Variants in ARSF observed in about 807,000 individuals in gnomAD.
ARSF encodes the protein arylsulfatase F.
Under a neutral mutation model 35.4 loss-of-function variants are expected in ARSF, and 33 were observed. That is an observed-to-expected ratio of 0.93 (90% CI 0.71 to 1.25). The LOEUF is 1.25. ARSF is among the 50% of genes most tolerant of loss of function. ARSF has a pLI of 0.00. For missense variants in ARSF, 501 were observed against 480.2 expected (o/e 1.04, Z -0.40); for synonymous variants, 222 against 193.1 (o/e 1.15, Z -1.24).
intron 7 of ARSF, among the ~76,000 whole-genome samples, chrX:3,090,614 C>T (rs1035129306): frequency 8.9e-6 from 1 of 112,349 alleles, no homozygotes; most frequent in African/African-American, 3.2e-5. Context: ...CTGTAGTGAG[C>T]CATGATTGCA....
rs59646240 is a variant in ARSF, at chrX:3,059,649, C to G, written c.-28-8424C>G. Among the ~76,000 whole-genome samples the G allele has an allele frequency of 2.1e-3, 232 of 112,615 alleles. 1 individual carries two copies. In the East Asian group the frequency reaches 0.034, roughly 17 times the overall value. On this transcript the variant is annotated intron_variant, in intron 1 of 10. Coordinates refer to ENST00000381127, the MANE Select transcript of ARSF (RefSeq NM_001201539.2). ...AGGAGATTATATCCTGCACCTGGCT[C>G]GGCAGTTCCCACTCCCACAGAGCCT...
chrX:3,112,177 G>A lies in ARSF; in HGVS notation c.1394G>A (p.Gly465Glu). 8.3e-7 allele frequency: 1 copy of A among 1,201,407 alleles called. No homozygotes were observed. The highest frequency in any genetic ancestry group is 1.1e-6 in the Non-Finnish European group (1 of 890,381). The change falls in exon 11 of 11, where the codon GGG (glycine) becomes GAG (glutamate). Residue 465 changes from glycine (G) to glutamate (E), a missense_variant. By Grantham distance (98) the Gly-to-Glu change is moderately conservative. Transcript: ENST00000381127. Reference protein sequence around the residue: ...AVRWIPKDDSGSVWKAHYVTP... With the variant: ...AVRWIPKDDSESVWKAHYVTP... ...GAGTCTCTCTTTTCTCCTCCAGGTGGGTCAGTTTGGAAGGCTCACTATGTG... is the reference window on the plus strand; with the variant it reads ...GAGTCTCTCTTTTCTCCTCCAGGTGAGTCAGTTTGGAAGGCTCACTATGTG...
Position 3,111,414 on chromosome X carries a change from A to G in ARSF, c.1391-760A>G, listed in dbSNP as rs759039733. ...TATCTAGTGATATTTTGAGATAGGC[A>G]ATGCATAGTGATCAGATTAGAATAA... On this transcript the variant is annotated intron_variant, in intron 10 of 10. Transcript: ENST00000381127. 2.7e-5 allele frequency among the ~76,000 whole-genome samples: 3 copies of G among 111,851 alleles called. No homozygotes were observed. The East Asian group carries it at 8.4e-4, about 31-fold the overall frequency.
chrX:3,102,861 G>A (rs923508379), intron 8 of ARSF, among the ~76,000 whole-genome samples: 2 of 109,573 alleles, frequency 1.8e-5, no homozygotes, highest in African/African-American at 3.3e-5. Context: ...GCAGTGAGCC[G>A]CGATAGCACC....
intron 1 of ARSF, among the ~76,000 whole-genome samples, chrX:3,051,297 A>G (rs2089996274): frequency 8.9e-6 from 1 of 111,933 alleles, no homozygotes; most frequent in South Asian, 3.7e-4. Context: ...CTGTAACTCA[A>G]CAACCCTGAG....
chrX:3,049,082 G>A (rs1282217255), intron 1 of ARSF, among the ~76,000 whole-genome samples: 1 of 112,479 alleles, frequency 8.9e-6, no homozygotes, highest in East Asian at 2.8e-4. Flanking sequence ...AAATATGAGT[G>A]ACCATGGCCG....
At chrX:3,046,743 T>C (rs1484348289) in intron 1 of ARSF, among the ~76,000 whole-genome samples, 1 of 111,362 alleles carries the variant, frequency 9.0e-6, no homozygotes, top group Non-Finnish European at 1.9e-5. Context: ...CAAAGCTTCC[T>C]ACACAAGGAA....
chrX:3,102,049 A>C (rs2090379804), intron 8 of ARSF, among the ~76,000 whole-genome samples: 1 of 111,054 alleles, frequency 9.0e-6, no homozygotes, highest in African/African-American at 3.3e-5. Context: ...ATGAATGTGT[A>C]CTCTTTAGAG....
chrX:3,072,200 T>C (rs779641682), intron 3 of ARSF, 25 bp downstream of exon 3: 1 of 1,198,538 alleles, frequency 8.3e-7, no homozygotes, highest in East Asian at 3.0e-5. Flanking sequence ...TGGCCAGTCA[T>C]ACGTTCGTCA....
intron 6 of ARSF, among the ~76,000 whole-genome samples, chrX:3,088,564 CTTTT>C (rs34488601): frequency 1.0e-5 from 1 of 96,909 alleles, no homozygotes; most frequent in Admixed American, 1.1e-4. Context: ...TCAAATCCAT[CTTTT>C]TTTTTTTTTT....
Position 3,081,145 on chromosome X carries a change from T to A in ARSF, c.406+132T>A, listed in dbSNP as rs193060517. 6.6e-6 allele frequency: 6 copies of A among 907,155 alleles called. No homozygotes were observed. The African/African-American group carries it at 1.2e-4, about 18-fold the overall frequency. The allele number at this position is 907,155 out of a possible 1,213,427, so 74.8% of individuals were successfully genotyped here. A position where few individuals can be genotyped will look rare whatever the true frequency, so the allele number is the denominator to read the frequency against. ...ATGTAAAGGCGCAGTGGCCCATGCC[T>A]ACAATCCCAGTACTTTGGGAGGCCA... is the stretch of plus-strand genomic sequence containing the variant. On this transcript the variant is annotated intron_variant, in intron 5 of 10. Coordinates refer to ENST00000381127, the MANE Select transcript of ARSF (RefSeq NM_001201539.2).
intron 6 of ARSF, among the ~76,000 whole-genome samples, chrX:3,085,789 T>C (rs769279074): frequency 9.0e-6 from 1 of 111,362 alleles, no homozygotes; most frequent in Non-Finnish European, 1.9e-5. Flanking sequence ...GTGAAGGTGA[T>C]AAATATGTAG....
intron 7 of ARSF, among the ~76,000 whole-genome samples, chrX:3,091,014 G>A (rs999976059): frequency 4.0e-5 from 4 of 99,228 alleles, no homozygotes; most frequent in Non-Finnish European, 8.0e-5. Flanking sequence ...GAGCTAATGC[G>A]ATTCTCCTGC....
chrX:3,091,386 A>C (rs1200518416), intron 7 of ARSF, among the ~76,000 whole-genome samples: 1 of 112,586 alleles, frequency 8.9e-6, no homozygotes, highest in Non-Finnish European at 1.9e-5. Flanking sequence ...AACAATGTAA[A>C]TGGGACGTCC....
intron 5 of ARSF, among the ~76,000 whole-genome samples, chrX:3,081,331 C>T (rs1001575729): frequency 9.0e-6 from 1 of 111,271 alleles, no homozygotes; most frequent in African/African-American, 3.3e-5. Context: ...GGCAGGACTT[C>T]TTTTCTTTAT....
At chrX:3,099,394 C>T (rs1226752826) in intron 7 of ARSF, among the ~76,000 whole-genome samples, 1 of 111,695 alleles carries the variant, frequency 9.0e-6, no homozygotes, top group Non-Finnish European at 1.9e-5. Context: ...CTTGTTGTAT[C>T]TGTTTAAACT....
chrX:3,081,213 G>A (rs761370030), intron 5 of ARSF, among the ~76,000 whole-genome samples, 200 bp downstream of exon 5: 13 of 112,019 alleles, frequency 1.2e-4, no homozygotes, highest in African/African-American at 3.6e-4. Flanking sequence ...AGACCAGCCT[G>A]GGCAACATAG....
intron 1 of ARSF, among the ~76,000 whole-genome samples, chrX:3,055,890 C>T (rs1316898852): frequency 9.0e-6 from 1 of 111,213 alleles, no homozygotes; most frequent in Admixed American, 9.6e-5. Context: ...CCCTAATAAC[C>T]TACTTGGATT....
rs1453005316 is a variant in ARSF, at chrX:3,112,567, G to A, written c.*11G>A. The A allele has an allele frequency of 3.4e-6, 4 of 1,187,391 alleles. No individual in the cohort carries two copies. Among genetic ancestry groups the A allele is most frequent in the Non-Finnish European group, 4.5e-6 (4 of 885,155 alleles). Reference sequence around the variant, plus strand: ...AACGAGAAGAGATAATTACAATCAGGCTACCAGAGGAAGCCTTTGGTCCTA... The same window carrying A: ...AACGAGAAGAGATAATTACAATCAGACTACCAGAGGAAGCCTTTGGTCCTA... On this transcript the variant is annotated 3_prime_UTR_variant, in exon 11 of 11. Coordinates refer to ENST00000381127, the MANE Select transcript of ARSF (RefSeq NM_001201539.2).
Sources: allele counts gnomAD v4.1 joint callset (sites outside exome capture counted in the v4.1 genomes callset), GRCh38; gene constraint gnomAD v4.1.1; transcripts MANE v1.5; gene names NCBI Gene and HGNC (gene_info 2026-07-23, HGNC 2026-07-21).